The following SLC19A3 variants were observed in gnomAD, a reference collection of about 807,000 sequenced individuals.
The protein encoded by SLC19A3 is solute carrier family 19 member 3, also known as thiamine transporter 2.
SLC19A3 carries 31 observed loss-of-function variants against 40.2 expected under a neutral mutation model. That is an observed-to-expected ratio of 0.77 (90% CI 0.58 to 1.04). The LOEUF (loss-of-function observed/expected upper bound fraction) is 1.04. SLC19A3 is among the 50% of genes least tolerant of loss of function. SLC19A3 has a pLI of 0.00. For missense variants in SLC19A3, 592 were observed against 596.7 expected, an observed-to-expected ratio of 0.99 and a Z score of 0.08; for synonymous variants, 212 against 227.5, an observed-to-expected ratio of 0.93 and a Z score of 0.61.
intron 1 of SLC19A3, 195 bp from the exon 2 acceptor site, chr2:227,702,515 T>C: frequency 1.8e-6 from 1 of 569,420 alleles, no homozygotes; most frequent in East Asian, 3.1e-5. Flanking sequence ...TGCCTCAGCC[T>C]CCCAAGTAGC....
At chr2:227,711,753 A>G (rs1346324302) in intron 1 of SLC19A3, among the ~76,000 whole-genome samples, 1 of 152,102 alleles carries the variant, frequency 6.6e-6, no homozygotes, top group Non-Finnish European at 1.5e-5. Flanking sequence ...CTGTTAAGAA[A>G]CTGAATGGAA....
intron 1 of SLC19A3, among the ~76,000 whole-genome samples, chr2:227,707,713 G>A (rs1695999271): frequency 1.3e-5 from 2 of 152,032 alleles, no homozygotes; most frequent in African/African-American, 4.8e-5. Flanking sequence ...TCTACTGTTT[G>A]GCCTCCAGCT....
chr2:227,683,763 T>C lies in SLC19A3; in HGVS notation c.*3634A>G, dbSNP rs1045064036. 2 of 152,196 alleles carry C rather than the reference T, an allele frequency of 1.3e-5. No homozygotes were observed. Among genetic ancestry groups the C allele is most frequent in the Non-Finnish European group, 1.5e-5 (1 of 68,046 alleles). 9.4% of individuals were successfully genotyped at this position (152,196 alleles called of 1,614,324 possible). On this transcript the variant is annotated 3_prime_UTR_variant, in exon 6 of 6. Coordinates refer to ENST00000644224, the MANE Select transcript of SLC19A3 (RefSeq NM_025243.4). ...CCCATTACTCCACAGTAGGCAATCA[T>C]TGGTATGAGTTTCAGTTGTTTATTT...
chr2:227,699,528 A>G lies in SLC19A3; in HGVS notation c.187T>C (p.Tyr63His), dbSNP rs144817990. The change falls in exon 3 of 6, where the codon TAC becomes CAC. Residue 63 changes from tyrosine (Y) to histidine (H), a missense_variant. Physicochemically the swap from Tyr to His is moderately conservative, Grantham distance 83. Coordinates refer to ENST00000644224, the MANE Select transcript of SLC19A3 (RefSeq NM_025243.4). Reference sequence around the variant, plus strand: ...AACACAGGCAGCAGCAGCACCAGGTAGGAGTATGTCCAAACGGGGAAGATC... The same window carrying G: ...AACACAGGCAGCAGCAGCACCAGGTGGGAGTATGTCCAAACGGGGAAGATC... ...NEIFPVWTYSYLVLLLPVFVL... is the reference protein window; with the variant it reads ...NEIFPVWTYSHLVLLLPVFVL... 139 of 1,614,216 alleles carry G rather than the reference A, an allele frequency of 8.6e-5. No individual in the cohort carries two copies. In the African/African-American group the frequency reaches 1.8e-3, roughly 20 times the overall value.
At chr2:227,692,803 C>T (rs974904202) in intron 4 of SLC19A3, among the ~76,000 whole-genome samples, 1 of 152,118 alleles carries the variant, frequency 6.6e-6, no homozygotes, top group Non-Finnish European at 1.5e-5. Flanking sequence ...TTTAGGAAAA[C>T]TTAAAGACTC....
At chr2:227,705,731 G>A (rs978982941) in intron 1 of SLC19A3, among the ~76,000 whole-genome samples, 1 of 152,016 alleles carries the variant, frequency 6.6e-6, no homozygotes, top group South Asian at 2.1e-4. Flanking sequence ...ATGGGGAGGC[G>A]GGGGAGGAAG....
chr2:227,699,636 A>T, intron 2 of SLC19A3, 72 bp from the exon 3 acceptor site: 1 of 1,270,176 alleles, frequency 7.9e-7, no homozygotes, highest in Non-Finnish European at 1.1e-6. Flanking sequence ...TTGTATCTCA[A>T]ATTCTGCCTC....
chr2:227,702,061 G>T, intron 2 of SLC19A3, 108 bp downstream of exon 2: 1 of 893,162 alleles, frequency 1.1e-6, no homozygotes. Flanking sequence ...CAGGCTCACT[G>T]AGTTTAATGT....
rs761757947 is a variant in SLC19A3, at chr2:227,699,438, T to A, written c.277A>T (p.Thr93Ser). 6.2e-7 allele frequency: 1 copy of A among 1,614,132 alleles called. No homozygotes were observed. ...TGGCCAAACAACAGCAGCAGCCAGG[T>A]AATGATGAAACTGATACCTTGCAAG... ...IILQGISFIITWLLLLFGQGV... is the reference protein window; with the variant it reads ...IILQGISFIISWLLLLFGQGV... The change falls in exon 3 of 6, where the codon ACC (threonine) becomes TCC (serine). Residue 93 changes from threonine (T) to serine (S), a missense_variant. Coordinates refer to ENST00000644224, the MANE Select transcript of SLC19A3 (RefSeq NM_025243.4).
chr2:227,688,134 A>C (rs1290714595), intron 5 of SLC19A3, 32 bp downstream of exon 5: 1 of 1,613,520 alleles, frequency 6.2e-7, no homozygotes, highest in South Asian at 1.1e-5. Flanking sequence ...TTTTGAGGTT[A>C]CCTAGTTGAA....
chr2:227,688,880 A>G (rs968097941), intron 4 of SLC19A3, among the ~76,000 whole-genome samples: 3 of 152,272 alleles, frequency 2.0e-5, no homozygotes, highest in East Asian at 3.9e-4. Context: ...TCAAGATAAC[A>G]CAAAGAAGGA....
intron 1 of SLC19A3, among the ~76,000 whole-genome samples, chr2:227,714,870 T>C (rs2106344958): frequency 7.2e-6 from 1 of 139,586 alleles, no homozygotes; most frequent in South Asian, 2.3e-4. Flanking sequence ...GAGTCTGGAG[T>C]GTAGTGGCAC....
intron 4 of SLC19A3, among the ~76,000 whole-genome samples, chr2:227,693,930 C>T (rs1695329251): frequency 6.6e-6 from 1 of 152,136 alleles, no homozygotes; most frequent in African/African-American, 2.4e-5. Context: ...ACAGATGTTT[C>T]TTTAAAGGCA....
intron 1 of SLC19A3, among the ~76,000 whole-genome samples, chr2:227,716,262 C>G (rs75022190): frequency 0.012 from 1,796 of 152,256 alleles, 39 homozygotes; most frequent in African/African-American, 0.041. Context: ...TTTCAATATT[C>G]CTGATCTATA....
intron 4 of SLC19A3, among the ~76,000 whole-genome samples, chr2:227,690,290 C>T (rs1209229057): frequency 2.6e-5 from 4 of 151,438 alleles, no homozygotes; most frequent in Admixed American, 2.0e-4. Context: ...CCAATGGAAA[C>T]AAACAAAAAA....
intron 1 of SLC19A3, among the ~76,000 whole-genome samples, chr2:227,707,805 A>G (rs935498030): frequency 6.6e-6 from 1 of 151,960 alleles, no homozygotes; most frequent in African/African-American, 2.4e-5. Context: ...TCAGCTCACT[A>G]CAACCTCTGC....
rs1315546158 is a variant in SLC19A3 at position 227,687,451 on chromosome 2, T to G, written c.1437A>C (p.Pro479=). Residue 479 remains proline (P), a synonymous_variant, in exon 6 of 6, where the codon CCA becomes CCC. Transcript: ENST00000644224. ...TCTCTTCCTCTGGGTGAGACACATC[T>G]GGATTCTCACTTGGAGCAGGGCTCT... The part of the protein sequence containing the change: ...DVQSPAPSEN[P]DVSHPEEESN... The G allele has an allele frequency of 6.2e-7, 1 of 1,614,142 alleles. No homozygotes were observed. The highest frequency in any genetic ancestry group is 8.5e-7 in the Non-Finnish European group (1 of 1,179,974).
chr2:227,688,071 T>C, intron 5 of SLC19A3, 95 bp downstream of exon 5: 3 of 1,372,036 alleles, frequency 2.2e-6, no homozygotes, highest in Non-Finnish European at 3.1e-6. Context: ...TTTTAATTGC[T>C]TAACCAAGGA....
At chr2:227,714,703 C>T in intron 1 of SLC19A3, 1 of 175,146 alleles carries the variant, frequency 5.7e-6, no homozygotes, top group Non-Finnish European at 7.9e-6. Flanking sequence ...AAATCCCATC[C>T]AAAAAAAAAA....
Sources: allele counts gnomAD v4.1 joint callset (sites outside exome capture counted in the v4.1 genomes callset), GRCh38; gene constraint gnomAD v4.1.1; transcripts MANE v1.5; gene names NCBI Gene and HGNC (gene_info 2026-07-23, HGNC 2026-07-21).